UNC13B: variants seen among roughly 807,000 people sequenced by gnomAD.
The protein encoded by UNC13B is unc-13 homolog B.
Under a neutral mutation model 211.0 loss-of-function variants are expected in UNC13B, and 144 were observed. The ratio of observed to expected loss-of-function variants is 0.68; its 90% CI spans 0.60 to 0.78. The LOEUF is 0.78. Ranked by LOEUF, UNC13B falls within the 30% of genes least tolerant of loss-of-function variation. The pLI, the probability that UNC13B is intolerant of heterozygous loss-of-function variation, is 0.00. For synonymous variants in UNC13B, 709 were observed against 725.8 expected, an observed-to-expected ratio of 0.98 and a Z score of 0.37; for missense variants, 1,777 against 2,002.0, an observed-to-expected ratio of 0.89 and a Z score of 2.14.
intron 7 of UNC13B, among the ~76,000 whole-genome samples, chr9:35,261,811 C>G (rs906685159): frequency 6.6e-6 from 1 of 152,210 alleles, no homozygotes; most frequent in East Asian, 1.9e-4. Context: ...CTTCTATTCT[C>G]TGTCTCCATG....
intron 1 of UNC13B, among the ~76,000 whole-genome samples, chr9:35,170,389 C>A (rs1821270150): frequency 6.6e-6 from 1 of 152,124 alleles, no homozygotes; most frequent in Non-Finnish European, 1.5e-5. Flanking sequence ...TGGTCTCTAA[C>A]TCCTGACCTC....
In UNC13B at chr9:35,397,215, G is replaced by A; in HGVS notation, c.11581G>A (p.Val3861Ile). Residue 3861 changes from valine (V) to isoleucine (I), a missense_variant, in exon 29 of 40, where the codon GTC (valine) becomes ATC (isoleucine). Transcript: ENST00000635942. The part of the protein sequence containing the change: ...HALFSCSVVD[V>I]FTQLNQSFEI... The stretch of plus-strand genomic sequence containing the variant: ...ACTCTTTTCCTGCTCTGTGGTGGAT[G>A]TCTTCACACAACTCAATCAGAGCTT... 2 of 1,614,186 alleles carry A rather than the reference G, an allele frequency of 1.2e-6. No individual in the cohort carries two copies. The highest frequency in any genetic ancestry group is 1.7e-6 in the Non-Finnish European group (2 of 1,180,032).
chr9:35,392,129 G>A (rs868518953), intron 26 of UNC13B, among the ~76,000 whole-genome samples: 1 of 152,150 alleles, frequency 6.6e-6, no homozygotes, highest in Non-Finnish European at 1.5e-5. Flanking sequence ...AGTGATGATA[G>A]CATCTGTTTC....
Position 35,385,739 on chromosome 9 carries a change from G to T in UNC13B, c.10891G>T (p.Gly3631Trp), listed in dbSNP as rs1037446397. The T allele has an allele frequency of 1.9e-6, 3 of 1,603,680 alleles. No homozygotes were observed. The East Asian group carries it at 6.7e-5, about 36-fold the overall frequency. ...LSTYRNNFPA[G>W]SPERLQDLKS... ...TTTGCAACAGAATAATTTCCCTGCT[G>T]GGAGTCCTGAACGGCTTCAGGACTT... is the stretch of plus-strand genomic sequence containing the variant. The change falls in exon 23 of 40, where the codon GGG (glycine) becomes TGG (tryptophan). Residue 3631 changes from glycine (G) to tryptophan (W), a missense_variant. Gly to Trp is a radical substitution (Grantham distance 184). Transcript: ENST00000635942.
At chr9:35,252,872 G>A (rs932386618) in intron 6 of UNC13B, among the ~76,000 whole-genome samples, 1 of 151,978 alleles carries the variant, frequency 6.6e-6, no homozygotes, top group African/African-American at 2.4e-5. Flanking sequence ...GGAGCTTGCA[G>A]TGAGCTGAGA....
intron 1 of UNC13B, among the ~76,000 whole-genome samples, chr9:35,180,320 G>T (rs1365955691): frequency 6.6e-6 from 1 of 152,010 alleles, no homozygotes; most frequent in Non-Finnish European, 1.5e-5. Flanking sequence ...TTCTTTTTAA[G>T]TTGTGATAAG....
rs1832751723 is a variant in UNC13B at position 35,352,090 on chromosome 9, A to G, written c.9415-14857A>G. Reference sequence around the variant, plus strand: ...GTGTAGACTCAGTACTGAGTGAAATAGAAGGCTTACAGGTGAGCACCTGTT... The same window carrying G: ...GTGTAGACTCAGTACTGAGTGAAATGGAAGGCTTACAGGTGAGCACCTGTT... On this transcript the variant is annotated intron_variant, in intron 11 of 39. Transcript: ENST00000635942. 5 of 1,231,894 alleles carry G rather than the reference A, an allele frequency of 4.1e-6. No individual in the cohort carries two copies. In the South Asian group the frequency reaches 2.1e-4, roughly 51 times the overall value. 76.3% of individuals were successfully genotyped at this position (1,231,894 alleles called of 1,614,324 possible). A position where few individuals can be genotyped will look rare whatever the true frequency, so the allele number is the denominator to read the frequency against.
intron 21 of UNC13B, 100 bp from the exon 22 acceptor site, chr9:35,384,144 ACT>A (rs1344323601): frequency 3.2e-6 from 5 of 1,544,716 alleles, no homozygotes; most frequent in Non-Finnish European, 3.5e-6. Context: ...ATGCCTCCCG[ACT>A]CTTTCTACTC....
chr9:35,183,062 G>C (rs866088401), intron 1 of UNC13B, among the ~76,000 whole-genome samples: 11 of 105,286 alleles, frequency 1.0e-4, no homozygotes, highest in Admixed American at 3.7e-4. Context: ...TGGGGCGGCC[G>C]GGCAGAGGCG....
chr9:35,308,896 G>A (rs1278803447), intron 9 of UNC13B, among the ~76,000 whole-genome samples: 4 of 152,172 alleles, frequency 2.6e-5, no homozygotes, highest in Non-Finnish European at 5.9e-5. Context: ...GGCAATGAGT[G>A]TATTAAGCAA....
At chr9:35,184,571 G>C (rs572568264) in intron 1 of UNC13B, among the ~76,000 whole-genome samples, 37 of 152,274 alleles carry the variant, frequency 2.4e-4, no homozygotes, top group African/African-American at 8.9e-4. Context: ...AGTCAGGCGT[G>C]GCAGCGCACG....
rs1163752739 is a variant in UNC13B at position 35,378,383 on chromosome 9, T to C, written c.10152T>C (p.Arg3384=). ...VTVQVSKTKK[R]TKTIFGNLNP... is the part of the protein sequence containing the mutation. ...TGCAAGTCAGCAAAACTAAGAAGCG[T>C]ACCAAGACCATTTTTGGAAACTTGA... Residue 3384 remains arginine (R), a synonymous_variant, in exon 17 of 40, where the codon CGT becomes CGC. Coordinates refer to ENST00000635942, the MANE Select transcript of UNC13B (RefSeq NM_001371189.2). The C allele has an allele frequency of 6.2e-7, 1 of 1,614,120 alleles. No individual in the cohort carries two copies. The highest frequency in any genetic ancestry group is 2.2e-5 in the East Asian group (1 of 44,876).
In UNC13B at chr9:35,389,918, C is replaced by A; in HGVS notation, c.11167C>A (p.Leu3723Ile). 6.2e-7 allele frequency: 1 copy of A among 1,614,178 alleles called. No homozygotes were observed. The highest frequency in any genetic ancestry group is 2.2e-5 in the East Asian group (1 of 44,884). The change falls in exon 25 of 40, where the codon CTC becomes ATC. Residue 3723 changes from leucine (L) to isoleucine (I), a missense_variant. Leu to Ile is a conservative substitution (Grantham distance 5). Transcript: ENST00000635942. The part of the protein sequence containing the change: ...NLDFWPKLIT[L>I]IVSIIEEDKN... The stretch of plus-strand genomic sequence containing the variant: ...GGATTTCTGGCCCAAGCTCATCACA[C>A]TCATCGTGTCAATCATAGAGGAAGA...
chr9:35,377,157 C>T (rs1329964587), intron 15 of UNC13B, among the ~76,000 whole-genome samples: 3 of 152,148 alleles, frequency 2.0e-5, no homozygotes, highest in Non-Finnish European at 4.4e-5. Flanking sequence ...GGAAAATGTC[C>T]TTTGAAGAGC....
chr9:35,250,241 A>C (rs1826379192), intron 6 of UNC13B, among the ~76,000 whole-genome samples: 1 of 152,192 alleles, frequency 6.6e-6, no homozygotes, highest in Non-Finnish European at 1.5e-5. Flanking sequence ...TACTAGCTTC[A>C]TAGTTGTGCC....
At chr9:35,353,296 C>T in intron 11 of UNC13B, 7 of 1,232,232 alleles carry the variant, frequency 5.7e-6, no homozygotes, top group Non-Finnish European at 7.1e-6. Flanking sequence ...CAATTCACCA[C>T]TTTCGTTCTG....
At chr9:35,367,095 T>C in intron 12 of UNC13B, 102 bp downstream of exon 12, 4 of 1,208,446 alleles carry the variant, frequency 3.3e-6, no homozygotes, top group Non-Finnish European at 3.7e-6. Context: ...ATAAGCTGCA[T>C]CCTGGGGAAG....
chr9:35,351,427 G>A (rs1313831289), intron 11 of UNC13B: 1 of 1,230,670 alleles, frequency 8.1e-7, no homozygotes, highest in Non-Finnish European at 1.0e-6. Flanking sequence ...AAACTGAAAA[G>A]AGCAGGACAG....
intron 5 of UNC13B, among the ~76,000 whole-genome samples, chr9:35,239,682 G>A (rs774259543): frequency 3.3e-5 from 5 of 152,088 alleles, no homozygotes; most frequent in Admixed American, 6.6e-5. Flanking sequence ...ATCTACAACC[G>A]TAAAAGACAG....
Sources: allele counts gnomAD v4.1 joint callset (sites outside exome capture counted in the v4.1 genomes callset), GRCh38; gene constraint gnomAD v4.1.1; transcripts MANE v1.5; gene names NCBI Gene and HGNC (gene_info 2026-07-23, HGNC 2026-07-21).